TIGAR: variants seen among roughly 807,000 people sequenced by gnomAD.
The protein encoded by TIGAR is TP53 induced glycolysis regulatory phosphatase.
TIGAR carries 7 observed loss-of-function variants against 17.9 expected under a neutral mutation model. The ratio of observed to expected loss-of-function variants is 0.39; its 90% CI spans 0.22 to 0.73. The LOEUF (loss-of-function observed/expected upper bound fraction) is 0.73, where lower values mean the gene tolerates loss of function less well. Among genes scored for constraint, TIGAR ranks in the 30% least tolerant of loss-of-function variants. TIGAR has a pLI of 0.42. For synonymous variants in TIGAR, 94 were observed against 108.6 expected, an observed-to-expected ratio of 0.87 and a Z score of 0.84; for missense variants, 258 against 327.4, an observed-to-expected ratio of 0.79 and a Z score of 1.64.
intron 3 of TIGAR, among the ~76,000 whole-genome samples, chr12:4,337,975 AC>A (rs1864678776): frequency 6.6e-6 from 1 of 152,092 alleles, no homozygotes; most frequent in Admixed American, 6.5e-5. Context: ...CACTACAAAT[AC>A]AAAAATTAGC....
chr12:4,351,840 T>C (rs886594519), intron 5 of TIGAR, among the ~76,000 whole-genome samples: 1 of 152,232 alleles, frequency 6.6e-6, no homozygotes, highest in Non-Finnish European at 1.5e-5. Context: ...TTAATCTTTA[T>C]CTTAATTTTC....
intron 3 of TIGAR, among the ~76,000 whole-genome samples, chr12:4,346,501 A>C (rs1002128662): frequency 1.3e-5 from 2 of 152,180 alleles, no homozygotes; most frequent in Non-Finnish European, 2.9e-5. Flanking sequence ...AAACCATGGC[A>C]AGGACAAAAA....
chr12:4,350,812 C>T (rs1400352784), intron 4 of TIGAR, among the ~76,000 whole-genome samples: 1 of 151,696 alleles, frequency 6.6e-6, no homozygotes, highest in Non-Finnish European at 1.5e-5. Flanking sequence ...AAATAGATCT[C>T]TCATGTTAGC....
At position 4,351,333 on chromosome 12, in the gene TIGAR, G is replaced by C. The variant is rs1285114253; in HGVS notation, c.337G>C (p.Glu113Gln). The C allele has an allele frequency of 6.2e-7, 1 of 1,614,058 alleles. No homozygotes were observed. Among genetic ancestry groups the C allele is most frequent in the Admixed American group, 1.7e-5 (1 of 60,002 alleles). Residue 113 changes from glutamate to glutamine, a missense_variant, in exon 5 of 6, where the codon GAG (glutamate) becomes CAG (glutamine). Physicochemically the swap from Glu to Gln is conservative, Grantham distance 29. Coordinates refer to ENST00000179259, the MANE Select transcript of TIGAR (RefSeq NM_020375.3). Reference sequence around the variant, plus strand: ...GGCCATGGCCAAAGCAGCCAGGGAAGAGTGCCCTGTGTTTACACCGCCCGG... The same window carrying C: ...GGCCATGGCCAAAGCAGCCAGGGAACAGTGCCCTGTGTTTACACCGCCCGG... ...LRAMAKAARE[E>Q]CPVFTPPGGE... is the part of the protein sequence containing the mutation.
intron 4 of TIGAR, among the ~76,000 whole-genome samples, chr12:4,350,501 C>T (rs550244266): frequency 5.9e-5 from 9 of 152,224 alleles, no homozygotes; most frequent in African/African-American, 1.9e-4. Flanking sequence ...ATGTGGCTGG[C>T]GTGGTGGCTT....
chr12:4,324,815 G>T, intron 1 of TIGAR: 1 of 580,668 alleles, frequency 1.7e-6, no homozygotes, highest in East Asian at 2.8e-5. Context: ...CGGCCATCTT[G>T]TCGGATCCTC....
intron 2 of TIGAR, among the ~76,000 whole-genome samples, chr12:4,334,289 G>A (rs186479654): frequency 3.3e-3 from 495 of 152,206 alleles, no homozygotes; most frequent in Non-Finnish European, 4.6e-3. Context: ...CCTGGTTTGC[G>A]GACTGCTGTC....
Position 4,321,320 on chromosome 12 carries a change from C to G in TIGAR, c.32+17C>G. On this transcript the variant is annotated intron_variant, in intron 1 of 5. Coordinates refer to ENST00000179259, the MANE Select transcript of TIGAR (RefSeq NM_020375.3). This position sits in a 1 kb window ranked among gnomAD's most constrained non-coding sequence, Gnocchi z 5.2. ...TGTCCGGCAGTGAGTATGGCTGTGGCAGGATGTCTTTCTCTCTCTCTTCCT... is the reference window on the plus strand; with the variant it reads ...TGTCCGGCAGTGAGTATGGCTGTGGGAGGATGTCTTTCTCTCTCTCTTCCT... 1 of 1,600,718 alleles carries G rather than the reference C, an allele frequency of 6.2e-7. No individual in the cohort carries two copies. Among genetic ancestry groups the G allele is most frequent in the Non-Finnish European group, 8.5e-7 (1 of 1,179,712 alleles).
intron 3 of TIGAR, among the ~76,000 whole-genome samples, 158 bp downstream of exon 3, chr12:4,337,318 A>G (rs1432227372): frequency 1.3e-5 from 2 of 152,168 alleles, no homozygotes; most frequent in South Asian, 4.1e-4. Flanking sequence ...GGTGTGTGCC[A>G]CCACACCTAG....
In TIGAR at chr12:4,352,888, A is replaced by G; in HGVS notation, c.*197A>G. 1.9e-6 allele frequency: 1 copy of G among 533,632 alleles called. No individual in the cohort carries two copies. Among genetic ancestry groups the G allele is most frequent in the South Asian group, 3.4e-5 (1 of 29,848 alleles). The allele number at this position is 533,632 out of a possible 1,614,324, so 33.1% of individuals were successfully genotyped here. On this transcript the variant is annotated 3_prime_UTR_variant, in exon 6 of 6. Transcript: ENST00000179259. ...CTTATTTTGTCCAAGTACAGTTGGCATTTTCCAGAATAATTTTACCACCCT... is the reference window on the plus strand; with the variant it reads ...CTTATTTTGTCCAAGTACAGTTGGCGTTTTCCAGAATAATTTTACCACCCT...
rs1225593865 is a variant in TIGAR, at chr12:4,321,750, C to T, written c.32+447C>T. On this transcript the variant is annotated intron_variant, in intron 1 of 5. Transcript: ENST00000179259. This position sits in a 1 kb window ranked among gnomAD's most constrained non-coding sequence, Gnocchi z 5.2. Reference sequence around the variant, plus strand: ...CTATCCTCTCAGTTTCTGAGGTTCCCCCTCGTTTCCCCAGGCAGTCAGCCC... The same window carrying T: ...CTATCCTCTCAGTTTCTGAGGTTCCTCCTCGTTTCCCCAGGCAGTCAGCCC... 1.3e-5 allele frequency among the ~76,000 whole-genome samples: 2 copies of T among 152,176 alleles called. No homozygotes were observed. The highest frequency in any genetic ancestry group is 2.4e-5 in the African/African-American group (1 of 41,444).
intron 3 of TIGAR, among the ~76,000 whole-genome samples, chr12:4,346,563 C>G (rs1182231427): frequency 1.3e-5 from 2 of 151,732 alleles, no homozygotes; most frequent in Non-Finnish European, 2.9e-5. Context: ...AATGAGAACA[C>G]TTGGACACAG....
intron 2 of TIGAR, among the ~76,000 whole-genome samples, chr12:4,335,230 T>G (rs1367036069): frequency 1.3e-5 from 2 of 152,092 alleles, no homozygotes; most frequent in Non-Finnish European, 2.9e-5. Flanking sequence ...AGAGACAGGA[T>G]TTCGCCATGT....
At chr12:4,336,077 T>C (rs1184182991) in intron 2 of TIGAR, among the ~76,000 whole-genome samples, 1 of 152,246 alleles carries the variant, frequency 6.6e-6, no homozygotes, top group Non-Finnish European at 1.5e-5. Flanking sequence ...TGGCTTTGGT[T>C]TATGGTAGAT....
At chr12:4,324,179 A>T (rs1591657954) in intron 1 of TIGAR, among the ~76,000 whole-genome samples, 1 of 152,274 alleles carries the variant, frequency 6.6e-6, no homozygotes, top group East Asian at 1.9e-4. Context: ...ACTTCTCATG[A>T]GCTTATGGCA....
chr12:4,336,242 C>T (rs553981619), intron 2 of TIGAR, among the ~76,000 whole-genome samples: 45 of 152,252 alleles, frequency 3.0e-4, no homozygotes, highest in Non-Finnish European at 6.5e-4. Context: ...TTACAGGAGC[C>T]CTCGCTCCCA....
At chr12:4,342,082 G>C (rs1864729391) in intron 3 of TIGAR, among the ~76,000 whole-genome samples, 1 of 152,226 alleles carries the variant, frequency 6.6e-6, no homozygotes, top group Non-Finnish European at 1.5e-5. Context: ...AGAACTACGT[G>C]ATGAATGCAC....
intron 2 of TIGAR, among the ~76,000 whole-genome samples, chr12:4,333,672 T>G (rs1357533424): frequency 6.6e-6 from 1 of 152,188 alleles, no homozygotes; most frequent in East Asian, 1.9e-4. Flanking sequence ...TTTTACCACA[T>G]TGGTCAGGCT....
chr12:4,324,749 C>T (rs1197569418), intron 1 of TIGAR: 3 of 719,698 alleles, frequency 4.2e-6, no homozygotes, highest in African/African-American at 3.5e-5. Context: ...GCAGCTGGTC[C>T]AAGTCTGTGC....
Sources: allele counts gnomAD v4.1 joint callset (sites outside exome capture counted in the v4.1 genomes callset), GRCh38; gene constraint gnomAD v4.1.1; non-coding constraint Gnocchi (gnomAD v3.1); transcripts MANE v1.5; gene names NCBI Gene and HGNC (gene_info 2026-07-23, HGNC 2026-07-21).